Variants in HOATZ observed in about 807,000 individuals in gnomAD.
HOATZ encodes the protein cilia- and flagella-associated protein HOATZ.
In HOATZ, 26 loss-of-function variants were observed where a neutral mutation model predicts 24.9. The ratio of observed to expected loss-of-function variants is 1.04; its 90% CI spans 0.76 to 1.45. HOATZ has a LOEUF of 1.45. Ranked by LOEUF, HOATZ falls within the 40% of genes most tolerant of loss-of-function variation. The pLI, the probability that HOATZ is intolerant of heterozygous loss-of-function variation, is 0.00. For synonymous variants in HOATZ, 83 were observed against 76.6 expected (o/e 1.08, Z -0.43); for missense variants, 226 against 201.5 (o/e 1.12, Z -0.74).
At chr11:111,521,449 T>G (rs1178868706) in intron 3 of HOATZ, among the ~76,000 whole-genome samples, 1 of 152,040 alleles carries the variant, frequency 6.6e-6, no homozygotes, top group African/African-American at 2.4e-5. Flanking sequence ...TAAAAGAAAA[T>G]CCTCTTTTGT....
intron 3 of HOATZ, among the ~76,000 whole-genome samples, chr11:111,532,768 TG>T (rs1211947995): frequency 5.3e-5 from 8 of 152,244 alleles, no homozygotes; most frequent in Non-Finnish European, 1.2e-4. Context: ...CACCTGGCTA[TG>T]ACAAATCTGT....
intron 3 of HOATZ, among the ~76,000 whole-genome samples, chr11:111,530,558 A>G (rs1185543457): frequency 6.6e-6 from 1 of 152,194 alleles, no homozygotes; most frequent in Non-Finnish European, 1.5e-5. Flanking sequence ...TAGTATAAAT[A>G]TAAATCATAA....
intron 3 of HOATZ, among the ~76,000 whole-genome samples, chr11:111,531,208 T>C (rs1014074591): frequency 7.9e-5 from 12 of 152,244 alleles, no homozygotes; most frequent in African/African-American, 2.7e-4. Context: ...TTACCCACTG[T>C]TTAATTTCAT....
intron 3 of HOATZ, among the ~76,000 whole-genome samples, chr11:111,527,408 G>T (rs1867351094): frequency 6.6e-6 from 1 of 152,138 alleles, no homozygotes; most frequent in South Asian, 2.1e-4. Context: ...GTCAGACCTA[G>T]GAGTTGAGCC....
chr11:111,515,701 A>G (rs1867186844), intron 2 of HOATZ, 149 bp downstream of exon 2: 1 of 685,732 alleles, frequency 1.5e-6, no homozygotes, highest in South Asian at 1.8e-5. Flanking sequence ...CTGTTTATCC[A>G]GAGGACAATG....
chr11:111,528,673 A>G (rs970640265), intron 3 of HOATZ, among the ~76,000 whole-genome samples: 2 of 152,362 alleles, frequency 1.3e-5, no homozygotes, highest in East Asian at 1.9e-4. Context: ...CACCTGCTGT[A>G]TTCTGATAAG....
In HOATZ at chr11:111,534,496, A is replaced by G. The variant is rs1410830703; in HGVS notation, c.452+32A>G. ...TTACCTATGTCAAAAATATTCTCTC[A>G]CCTTTCAACTTACTGTGTAGGGAAG... On this transcript the variant is annotated intron_variant, in intron 5 of 5. Transcript: ENST00000375618. 4 of 1,526,522 alleles carry G rather than the reference A, an allele frequency of 2.6e-6. No homozygotes were observed. In the South Asian group the frequency reaches 3.4e-5, roughly 13 times the overall value. The allele number at this position is 1,526,522 out of a possible 1,614,324, so 94.6% of individuals were successfully genotyped here. A position where few individuals can be genotyped will look rare whatever the true frequency, so the allele number is the denominator to read the frequency against.
intron 3 of HOATZ, among the ~76,000 whole-genome samples, chr11:111,529,452 C>T (rs908987656): frequency 6.6e-6 from 1 of 152,116 alleles, no homozygotes. Context: ...CAACCTCCGC[C>T]TCCTGGGTTC....
At chr11:111,528,333 T>C (rs989095809) in intron 3 of HOATZ, among the ~76,000 whole-genome samples, 1 of 152,114 alleles carries the variant, frequency 6.6e-6, no homozygotes, top group Admixed American at 6.5e-5. Flanking sequence ...AGCAAGACCC[T>C]GTCTCAAAAA....
chr11:111,536,144 G>A (rs2135783755), intron 5 of HOATZ: 1 of 152,354 alleles, frequency 6.6e-6, no homozygotes, highest in South Asian at 2.1e-4. Flanking sequence ...CTGCTTACAT[G>A]TTGGACTTCA....
At position 111,516,716 on chromosome 11, in the gene HOATZ, TA is replaced by T. The variant is rs377236052; in HGVS notation, c.339+615del. Among the ~76,000 whole-genome samples the T allele has an allele frequency of 1.3e-3, 195 of 151,354 alleles. 1 individual carries two copies. The highest frequency in any genetic ancestry group is 4.5e-3 in the African/African-American group (184 of 41,232). On this transcript the variant is annotated intron_variant, in intron 3 of 5. Transcript: ENST00000375618. The stretch of plus-strand genomic sequence containing the variant: ...TGGGCAGCAGAGTGAGACACAGTCT[TA>T]AAAAAAAATCATAAGAACAGGAAAA...
intron 3 of HOATZ, among the ~76,000 whole-genome samples, chr11:111,522,529 A>ATG (rs1368824246): frequency 1.3e-5 from 2 of 152,218 alleles, no homozygotes; most frequent in Admixed American, 6.5e-5. Context: ...CAGATAATAA[A>ATG]TGAGTGATGT....
intron 3 of HOATZ, chr11:111,518,860 G>A (rs886944164): frequency 1.6e-5 from 4 of 242,720 alleles, no homozygotes; most frequent in Middle Eastern, 4.3e-4. Flanking sequence ...CTTCTGTGAA[G>A]CCTTCTCAGG....
chr11:111,515,966 C>A, intron 2 of HOATZ, 74 bp from the exon 3 acceptor site: 2 of 1,011,838 alleles, frequency 2.0e-6, no homozygotes, highest in South Asian at 1.5e-5. Flanking sequence ...CAACCCATGT[C>A]CAATTTTATA....
chr11:111,528,311 A>G (rs1466766023), intron 3 of HOATZ, among the ~76,000 whole-genome samples: 1 of 152,102 alleles, frequency 6.6e-6, no homozygotes, highest in Non-Finnish European at 1.5e-5. Flanking sequence ...CTGCACTTCC[A>G]CCTGAGTGGA....
In HOATZ at chr11:111,534,465, G is replaced by T; in HGVS notation, c.452+1G>T. On this transcript the variant is annotated splice_donor_variant, in intron 5 of 5. Coordinates refer to ENST00000375618, the MANE Select transcript of HOATZ (RefSeq NM_001100388.2). LOFTEE classifies it high-confidence loss of function. ...CAAAAGCCAAAGAACACAAAGCAAAGTAAGTTTACCTATGTCAAAAATATT... is the reference window on the plus strand; with the variant it reads ...CAAAAGCCAAAGAACACAAAGCAAATTAAGTTTACCTATGTCAAAAATATT... 6.2e-7 allele frequency: 1 copy of T among 1,606,458 alleles called. No homozygotes were observed. Among genetic ancestry groups the T allele is most frequent in the South Asian group, 1.1e-5 (1 of 90,878 alleles).
chr11:111,520,619 A>G (rs1305799658), intron 3 of HOATZ, among the ~76,000 whole-genome samples: 2 of 152,222 alleles, frequency 1.3e-5, no homozygotes, highest in East Asian at 1.9e-4. Flanking sequence ...TCCTCCTTCC[A>G]TGATTTCACT....
At chr11:111,534,522 C>A in intron 5 of HOATZ, 58 bp downstream of exon 5, 1 of 1,331,012 alleles carries the variant, frequency 7.5e-7, no homozygotes, top group Non-Finnish European at 1.1e-6. Context: ...TGTAGGGAAG[C>A]ATTTCTTTTT....
chr11:111,528,193 C>T (rs74806329), intron 3 of HOATZ, among the ~76,000 whole-genome samples: 13,138 of 151,250 alleles, frequency 0.087, 1,137 homozygotes, highest in African/African-American at 0.22. Flanking sequence ...ATTAACTAAG[C>T]GTGGTGGCAT....
Sources: allele counts gnomAD v4.1 joint callset (sites outside exome capture counted in the v4.1 genomes callset), GRCh38; gene constraint gnomAD v4.1.1; transcripts MANE v1.5; gene names NCBI Gene and HGNC (gene_info 2026-07-23, HGNC 2026-07-21).